The following ZNF559 variants were observed in gnomAD, a reference collection of about 807,000 sequenced individuals.
ZNF559 encodes zinc finger protein 559.
A neutral mutation model predicts 14.2 loss-of-function variants in ZNF559; 17 were observed. The observed-to-expected ratio is 1.20, with a 90% CI of 0.82 to 1.80. The LOEUF (loss-of-function observed/expected upper bound fraction) is 1.80, where lower values mean the gene tolerates loss of function less well. Ranked by LOEUF, ZNF559 falls within the 40% of genes most tolerant of loss-of-function variation. ZNF559 has a pLI of 0.00. For missense variants in ZNF559, 740 were observed against 629.7 expected, an observed-to-expected ratio of 1.18 and a Z score of -1.88; for synonymous variants, 244 against 212.4, an observed-to-expected ratio of 1.15 and a Z score of -1.29.
intron 2 of ZNF559, 149 bp downstream of exon 2, chr19:9,324,929 T>C: frequency 1.5e-6 from 1 of 686,846 alleles, no homozygotes; most frequent in South Asian, 1.8e-5. Flanking sequence ...TGCACATAAC[T>C]GTAAAATTTA....
At chr19:9,341,571 G>A (rs1296991247) in intron 6 of ZNF559, 124 bp from the exon 7 acceptor site, 2 of 1,526,438 alleles carry the variant, frequency 1.3e-6, no homozygotes, top group East Asian at 4.7e-5. Flanking sequence ...AAAATGGCAG[G>A]AACAAACAGT....
At chr19:9,327,592 C>T (rs1254823606) in intron 2 of ZNF559, among the ~76,000 whole-genome samples, 1 of 152,172 alleles carries the variant, frequency 6.6e-6, no homozygotes, top group Non-Finnish European at 1.5e-5. Context: ...TTCTCCTGAA[C>T]CTGTTTTTAC....
rs2067555898 is a variant in ZNF559, at chr19:9,341,087, T to A, written c.161-15T>A. ...ATTTCTCTAAGAACTTAAAATTTTT[T>A]TCATCTTATTTCAGATTGGGAGAGT... On this transcript the variant is annotated splice_polypyrimidine_tract_variant and intron_variant, in intron 5 of 6. Transcript: ENST00000603380. The A allele has an allele frequency of 6.3e-7, 1 of 1,580,204 alleles. No individual in the cohort carries two copies. Among genetic ancestry groups the A allele is most frequent in the African/African-American group, 1.4e-5 (1 of 72,560 alleles).
intron 2 of ZNF559, 161 bp from the exon 3 acceptor site, chr19:9,337,635 A>G (rs1257368188): frequency 6.4e-6 from 2 of 311,754 alleles, no homozygotes; most frequent in Admixed American, 9.7e-5. Flanking sequence ...AGGTTTCCTC[A>G]ACTAATATGA....
intron 2 of ZNF559, among the ~76,000 whole-genome samples, 161 bp downstream of exon 2, chr19:9,324,941 C>T (rs906113084): frequency 6.6e-6 from 1 of 152,146 alleles, no homozygotes; most frequent in African/African-American, 2.4e-5. Context: ...TAAAATTTAC[C>T]ACCAAGGAAA....
intron 2 of ZNF559, 88 bp downstream of exon 2, chr19:9,324,868 G>T: frequency 8.7e-7 from 1 of 1,152,784 alleles, no homozygotes; most frequent in Non-Finnish European, 1.2e-6. Flanking sequence ...TTTTCAGGTG[G>T]TTGTTCGAGA....
chr19:9,342,601 A>T lies in ZNF559; in HGVS notation c.1150A>T (p.Lys384Ter), dbSNP rs372249028. ...THTGEKPYQC[K>*]ECGKAFINSS... ...CACTGGTGAGAAGCCTTATCAATGT[A>T]AGGAATGTGGAAAAGCCTTTATTAA... The change falls in exon 7 of 7, where the codon AAG becomes TAG. Residue 384 changes from lysine (K) to a stop codon, truncating the protein, a stop_gained. Transcript: ENST00000603380. LOFTEE classifies it low-confidence loss of function (END_TRUNC). The T allele has an allele frequency of 6.2e-7, 1 of 1,613,606 alleles. No homozygotes were observed. Among genetic ancestry groups the T allele is most frequent in the South Asian group, 1.1e-5 (1 of 91,046 alleles).
At chr19:9,324,411 C>T (rs577390720) in intron 1 of ZNF559, 183 bp downstream of exon 1, 31 of 1,450,278 alleles carry the variant, frequency 2.1e-5, no homozygotes, top group African/African-American at 4.3e-5. Context: ...TCAGGTCTGT[C>T]CTCAGGGGTC....
At chr19:9,334,768 A>C (rs2067135796) in intron 2 of ZNF559, among the ~76,000 whole-genome samples, 1 of 152,200 alleles carries the variant, frequency 6.6e-6, no homozygotes, top group African/African-American at 2.4e-5. Context: ...ATAACACTAA[A>C]AGCAACATTT....
intron 2 of ZNF559, among the ~76,000 whole-genome samples, chr19:9,331,777 G>A (rs1482080428): frequency 2.6e-5 from 4 of 152,144 alleles, no homozygotes; most frequent in African/African-American, 9.7e-5. Context: ...TTGTTACTAT[G>A]TGTTTCCATG....
intron 2 of ZNF559, 143 bp downstream of exon 2, chr19:9,324,923 C>T: frequency 1.4e-6 from 1 of 695,964 alleles, no homozygotes; most frequent in East Asian, 2.7e-5. Context: ...GATGAATGCA[C>T]ATAACTGTAA....
intron 3 of ZNF559, among the ~76,000 whole-genome samples, chr19:9,338,240 C>T (rs1306880679): frequency 1.3e-5 from 2 of 152,122 alleles, no homozygotes; most frequent in Admixed American, 6.6e-5. Flanking sequence ...TGATCAGTTT[C>T]TTTTTTGGCA....
intron 2 of ZNF559, 47 bp downstream of exon 2, chr19:9,324,827 A>G: frequency 6.7e-7 from 1 of 1,489,116 alleles, no homozygotes; most frequent in Non-Finnish European, 9.1e-7. Flanking sequence ...CGGGTCTTGA[A>G]GTTTAAGTTG....
Position 9,342,208 on chromosome 19 carries a change from T to TC in ZNF559, c.758dup (p.Ser254ValfsTer11). ...AGCATGTGGGAAACCCTTCACTGAGTCGTCATATCTTACTCAACATTTAAG... is the reference window on the plus strand; with the variant it reads ...AGCATGTGGGAAACCCTTCACTGAGTCCGTCATATCTTACTCAACATTTAAG... On this transcript the variant is annotated frameshift_variant, in exon 7 of 7. Transcript: ENST00000603380. LOFTEE classifies it low-confidence loss of function (END_TRUNC). The TC allele has an allele frequency of 6.3e-7, 1 of 1,595,890 alleles. No individual in the cohort carries two copies. The highest frequency in any genetic ancestry group is 1.1e-5 in the South Asian group (1 of 87,526).
Position 9,332,322 on chromosome 19 carries a change from C to T in ZNF559, c.-119-5474C>T, listed in dbSNP as rs113193974. Among the ~76,000 whole-genome samples, 817 of 149,558 alleles carry T rather than the reference C, an allele frequency of 5.5e-3. 10 individuals carry two copies. Among genetic ancestry groups the T allele is most frequent in the African/African-American group, 0.02 (791 of 40,486 alleles). ...GTTCTAACTTGATGTATTATCTTTT[C>T]ATATATAGAGGTATACATATGTATG... On this transcript the variant is annotated intron_variant, in intron 2 of 6. Transcript: ENST00000603380.
In ZNF559 at chr19:9,344,648, CAAAA is replaced by C. The variant is rs34300605; in HGVS notation, c.*1587_*1590del. 3.4e-5 allele frequency: 5 copies of C among 148,240 alleles called. No homozygotes were observed. The highest frequency in any genetic ancestry group is 1.2e-4 in the African/African-American group (5 of 40,376). 9.2% of individuals were successfully genotyped at this position (148,240 alleles called of 1,614,324 possible). A position where few individuals can be genotyped will look rare whatever the true frequency, so the allele number is the denominator to read the frequency against. ...TGGGCAACAGGATGAGACCCTGTCT[CAAAA>C]AAAAAAGAAAATTGACGCCAGCAAA... On this transcript the variant is annotated 3_prime_UTR_variant, in exon 7 of 7. Coordinates refer to ENST00000603380, the MANE Select transcript of ZNF559 (RefSeq NM_032497.3).
At chr19:9,340,738 T>TTTTTTTTTA (rs2067530927) in intron 5 of ZNF559, among the ~76,000 whole-genome samples, 1 of 147,162 alleles carries the variant, frequency 6.8e-6, no homozygotes, top group South Asian at 2.2e-4. Flanking sequence ...GGCTAATTTT[T>TTTTTTTTTA]TTTTTTTTTT....
At position 9,337,767 on chromosome 19, in the gene ZNF559, A is replaced by G; in HGVS notation, c.-119-29A>G. On this transcript the variant is annotated intron_variant, in intron 2 of 6. Coordinates refer to ENST00000603380, the MANE Select transcript of ZNF559 (RefSeq NM_032497.3). ...CCACGTGGCATAATACTCTAGTGGC[A>G]CTCACATGAACAACTTCATCTTCTG... The G allele has an allele frequency of 4.3e-6, 6 of 1,407,112 alleles. No individual in the cohort carries two copies. The South Asian group carries it at 7.5e-5, about 18-fold the overall frequency. The allele number at this position is 1,407,112 out of a possible 1,614,324, so 87.2% of individuals were successfully genotyped here. A position where few individuals can be genotyped will look rare whatever the true frequency, so the allele number is the denominator to read the frequency against.
rs1325331567 is a variant in ZNF559, at chr19:9,342,070, T to G, written c.619T>G (p.Tyr207Asp). ...SSHLRECVRI[Y>D]GGERPYTHKE... ...ACACCTCAGAGAATGTGTAAGAATT[T>G]ATGGTGGAGAGAGACCATATACTCA... The change falls in exon 7 of 7, where the codon TAT becomes GAT. Residue 207 changes from tyrosine (Y) to aspartate (D), a missense_variant. Transcript: ENST00000603380. The G allele has an allele frequency of 2.5e-6, 4 of 1,610,764 alleles. No homozygotes were observed. The highest frequency in any genetic ancestry group is 1.3e-5 in the African/African-American group (1 of 74,790).
Sources: allele counts gnomAD v4.1 joint callset (sites outside exome capture counted in the v4.1 genomes callset), GRCh38; gene constraint gnomAD v4.1.1; transcripts MANE v1.5; gene names NCBI Gene and HGNC (gene_info 2026-07-23, HGNC 2026-07-21).